CDH23: variants seen among roughly 807,000 people sequenced by gnomAD.
CDH23 encodes cadherin-23.
Under a neutral mutation model 317.1 loss-of-function variants are expected in CDH23, and 189 were observed. That is an observed-to-expected ratio of 0.60 (90% CI 0.53 to 0.67). CDH23 has a LOEUF of 0.67. Among genes scored for constraint, CDH23 ranks in the 30% least tolerant of loss-of-function variants. The pLI is 0.00. For missense variants in CDH23, 4,401 were observed against 4,592.4 expected, an observed-to-expected ratio of 0.96 and a Z score of 1.20; for synonymous variants, 1,839 against 1,876.8, an observed-to-expected ratio of 0.98 and a Z score of 0.52.
At chr10:71,561,935 C>T (rs1043417415) in intron 6 of CDH23, among the ~76,000 whole-genome samples, 1 of 152,064 alleles carries the variant, frequency 6.6e-6, no homozygotes, top group African/African-American at 2.4e-5. Flanking sequence ...TGATCATGCC[C>T]CATGGGGTCT....
rs1853926915 is a variant in CDH23, at chr10:71,510,821, GAAGCCTTTGGGTGCCTGGTTCCAGGC to G, written c.289-128_289-103del. 3.8e-6 allele frequency: 3 copies of G among 782,112 alleles called. No homozygotes were observed. In the Admixed American group the frequency reaches 6.3e-5, roughly 16 times the overall value. The allele number at this position is 782,112 out of a possible 1,614,324, so 48.4% of individuals were successfully genotyped here. A position where few individuals can be genotyped will look rare whatever the true frequency, so the allele number is the denominator to read the frequency against. On this transcript the variant is annotated intron_variant, in intron 4 of 69. Coordinates refer to ENST00000224721, the MANE Select transcript of CDH23 (RefSeq NM_022124.6). ...CAAAGGGCAATGCTGGTATTTTAGG[GAAGCCTTTGGGTGCCTGGTTCCAGGC>G]AAGCTCCTAGGGCAATCCTGGAGCC...
In CDH23 at chr10:71,751,835, C is replaced by G; in HGVS notation, c.4845+9914C>G. Reference sequence around the variant, plus strand: ...CTGGGCAGGTGGTGAGGCTTCAAAGCCGGGGTTTTCAATCCCTTGAATGTT... The same window carrying G: ...CTGGGCAGGTGGTGAGGCTTCAAAGGCGGGGTTTTCAATCCCTTGAATGTT... On this transcript the variant is annotated intron_variant, in intron 38 of 69. Coordinates refer to ENST00000224721, the MANE Select transcript of CDH23 (RefSeq NM_022124.6). The surrounding 1 kb of genome is among the most constrained non-coding windows in gnomAD (Gnocchi z 4.9). The G allele has an allele frequency of 6.4e-7, 1 of 1,564,170 alleles. No individual in the cohort carries two copies. Among genetic ancestry groups the G allele is most frequent in the South Asian group, 1.2e-5 (1 of 84,296 alleles).
chr10:71,799,699 A>G lies in CDH23; in HGVS notation c.7362+70A>G, dbSNP rs1039511587. On this transcript the variant is annotated intron_variant, in intron 52 of 69. Coordinates refer to ENST00000224721, the MANE Select transcript of CDH23 (RefSeq NM_022124.6). ...CAGGGTCAGAGACTGAGCAGCCACC[A>G]AAAGTATTGTAGTAATCCCTCTGGG... 14 of 1,604,252 alleles carry G rather than the reference A, an allele frequency of 8.7e-6. No homozygotes were observed. The South Asian group carries it at 1.3e-4, about 15-fold the overall frequency.
chr10:71,626,933 G>A (rs1307229427), intron 11 of CDH23, among the ~76,000 whole-genome samples: 2 of 152,164 alleles, frequency 1.3e-5, no homozygotes, highest in African/African-American at 4.8e-5. Context: ...GAGCAATCAA[G>A]GCAAGGCATG....
intron 46 of CDH23, 109 bp downstream of exon 46, chr10:71,790,522 G>A: frequency 7.1e-7 from 1 of 1,407,802 alleles, no homozygotes; most frequent in African/African-American, 1.4e-5. Context: ...GCTGTCCGTG[G>A]AGACCCCATT....
intron 44 of CDH23, among the ~76,000 whole-genome samples, chr10:71,786,879 C>T (rs975257527): frequency 2.6e-5 from 4 of 151,984 alleles, no homozygotes; most frequent in East Asian, 1.9e-4. Flanking sequence ...AGGAGGGCCC[C>T]GGGTAAAAGC....
chr10:71,550,988 T>C (rs1856563184), intron 6 of CDH23, among the ~76,000 whole-genome samples: 1 of 152,192 alleles, frequency 6.6e-6, no homozygotes, highest in Non-Finnish European at 1.5e-5. Flanking sequence ...GCAGAAAACA[T>C]ATACACATAT....
chr10:71,690,898 C>G (rs1028163768), intron 20 of CDH23, among the ~76,000 whole-genome samples: 14 of 152,210 alleles, frequency 9.2e-5, no homozygotes, highest in African/African-American at 3.1e-4. Flanking sequence ...ATTAAAGCCT[C>G]AGGGTCCCCC....
At chr10:71,578,182 G>T (rs548999644) in intron 9 of CDH23, among the ~76,000 whole-genome samples, 190 bp downstream of exon 9, 2 of 152,312 alleles carry the variant, frequency 1.3e-5, no homozygotes, top group South Asian at 2.1e-4. Context: ...AGGAGGAACA[G>T]GGAGAAGAGG....
At chr10:71,560,757 AG>A (rs1217479107) in intron 6 of CDH23, among the ~76,000 whole-genome samples, 4 of 152,048 alleles carry the variant, frequency 2.6e-5, no homozygotes, top group Non-Finnish European at 4.4e-5. Context: ...GTAGCACAGG[AG>A]GCTGTTACCA....
intron 11 of CDH23, among the ~76,000 whole-genome samples, chr10:71,622,318 C>T (rs1861504286): frequency 6.6e-6 from 1 of 152,228 alleles, no homozygotes; most frequent in South Asian, 2.1e-4. Flanking sequence ...GCAGCCCTCC[C>T]CTGCCTCACC....
chr10:71,405,544 TCTC>T (rs1290396287), intron 1 of CDH23, among the ~76,000 whole-genome samples: 13 of 151,764 alleles, frequency 8.6e-5, no homozygotes, highest in Admixed American at 2.0e-4. Context: ...TTCAAACAAT[TCTC>T]CTGCTTCAGC....
intron 6 of CDH23, among the ~76,000 whole-genome samples, chr10:71,546,663 T>A (rs1856301377): frequency 2.0e-5 from 3 of 152,148 alleles, no homozygotes; most frequent in African/African-American, 7.2e-5. Flanking sequence ...GTGGAATGAA[T>A]GAATGGGGAA....
At chr10:71,648,030 A>T (rs1862977347) in intron 14 of CDH23, 1 of 152,258 alleles carries the variant, frequency 6.6e-6, no homozygotes, top group Non-Finnish European at 1.5e-5. Flanking sequence ...CTCTACAGAC[A>T]GATGGTATGA....
chr10:71,760,986 G>C (rs1840367330), intron 38 of CDH23: 2 of 1,524,448 alleles, frequency 1.3e-6, no homozygotes, highest in Non-Finnish European at 1.8e-6. Flanking sequence ...AGGGAGGCTT[G>C]TCCAGGCCAG....
intron 1 of CDH23, among the ~76,000 whole-genome samples, chr10:71,404,439 A>G (rs1848003038): frequency 1.3e-5 from 2 of 152,116 alleles, no homozygotes; most frequent in African/African-American, 4.8e-5. Flanking sequence ...CACTTTATTC[A>G]TTTCCGATAC....
At chr10:71,612,642 G>T (rs960564575) in intron 9 of CDH23, among the ~76,000 whole-genome samples, 1 of 152,166 alleles carries the variant, frequency 6.6e-6, no homozygotes, top group African/African-American at 2.4e-5. Context: ...CTGTCTGTGG[G>T]GGGGCTGGGG....
chr10:71,429,405 C>T (rs911343059), intron 1 of CDH23, among the ~76,000 whole-genome samples: 5 of 152,172 alleles, frequency 3.3e-5, no homozygotes, highest in Non-Finnish European at 7.3e-5. Flanking sequence ...GCTCATGCTA[C>T]TGTGGAGCTT....
chr10:71,467,543 G>T (rs879128700), intron 3 of CDH23, among the ~76,000 whole-genome samples: 2 of 152,152 alleles, frequency 1.3e-5, no homozygotes, highest in Non-Finnish European at 2.9e-5. Context: ...TGGGTGGGAG[G>T]CAGTGCGCCA....
Sources: allele counts gnomAD v4.1 joint callset (sites outside exome capture counted in the v4.1 genomes callset), GRCh38; gene constraint gnomAD v4.1.1; non-coding constraint Gnocchi (gnomAD v3.1); transcripts MANE v1.5; gene names NCBI Gene and HGNC (gene_info 2026-07-23, HGNC 2026-07-21).